The following MTARC1 variants were observed in gnomAD, a reference collection of about 807,000 sequenced individuals.
MTARC1 encodes the protein mitochondrial amidoxime-reducing component 1.
In MTARC1, 24 loss-of-function variants were observed where a neutral mutation model predicts 33.6. The ratio of observed to expected loss-of-function variants is 0.72; its 90% CI spans 0.52 to 1.01. The LOEUF is 1.01. Ranked by LOEUF, MTARC1 falls within the 50% of genes least tolerant of loss-of-function variation. The pLI is 0.00. For missense variants in MTARC1, 417 were observed against 445.7 expected (o/e 0.94, Z 0.58); for synonymous variants, 187 against 189.5 (o/e 0.99, Z 0.11).
At chr1:220,793,624 T>A (rs560899848) in intron 2 of MTARC1, 2 of 152,302 alleles carry the variant, frequency 1.3e-5, no homozygotes, top group Admixed American at 1.3e-4. Flanking sequence ...GCAGTACACC[T>A]GTTTTCATGG....
In MTARC1 at chr1:220,819,029, C is replaced by T. The variant is rs1343920834; in HGVS notation, c.*5611C>T. The T allele has an allele frequency of 3.3e-5, 5 of 152,148 alleles. No individual in the cohort carries two copies. Among genetic ancestry groups the T allele is most frequent in the East Asian group, 1.9e-4 (1 of 5,196 alleles). The allele number at this position is 152,148 out of a possible 1,614,324, so 9.4% of individuals were successfully genotyped here. ...TGACTCATTTGCGAGCCATTCCTGT[C>T]GTCTGGATGCCATAACATTGGAGGA... On this transcript the variant is annotated 3_prime_UTR_variant, in exon 7 of 7. Transcript: ENST00000366910.
intron 4 of MTARC1, among the ~76,000 whole-genome samples, chr1:220,804,081 G>A (rs898644871): frequency 6.6e-6 from 1 of 152,134 alleles, no homozygotes; most frequent in African/African-American, 2.4e-5. Flanking sequence ...AATTCTCTCC[G>A]AGGGTAAGAA....
chr1:220,809,382 C>T (rs1252773290), intron 6 of MTARC1, among the ~76,000 whole-genome samples: 2 of 152,336 alleles, frequency 1.3e-5, no homozygotes, highest in East Asian at 3.9e-4. Flanking sequence ...TCTTCCCATA[C>T]TCAGAGGCTG....
chr1:220,802,475 G>A (rs1672842838), intron 4 of MTARC1, among the ~76,000 whole-genome samples: 2 of 152,232 alleles, frequency 1.3e-5, no homozygotes, highest in South Asian at 4.1e-4. Context: ...GGGATTACAG[G>A]CAGACGCCAC....
At chr1:220,790,210 A>G (rs934940956) in intron 1 of MTARC1, among the ~76,000 whole-genome samples, 1 of 152,066 alleles carries the variant, frequency 6.6e-6, no homozygotes, top group Non-Finnish European at 1.5e-5. Context: ...TGTGCTAGGT[A>G]TTTTATGTTT....
chr1:220,813,008 G>T (rs543784168), intron 6 of MTARC1, among the ~76,000 whole-genome samples: 2 of 152,140 alleles, frequency 1.3e-5, no homozygotes, highest in South Asian at 2.1e-4. Context: ...TTACAGGCAT[G>T]AGCCACCACA....
intron 4 of MTARC1, among the ~76,000 whole-genome samples, chr1:220,802,658 G>C (rs1245719799): frequency 6.6e-6 from 1 of 152,184 alleles, no homozygotes; most frequent in Non-Finnish European, 1.5e-5. Flanking sequence ...TGACTTCACA[G>C]TTTCTATCCA....
rs1673269256 is a variant in MTARC1, at chr1:220,815,866, T to C, written c.*2448T>C. On this transcript the variant is annotated 3_prime_UTR_variant, in exon 7 of 7. Coordinates refer to ENST00000366910, the MANE Select transcript of MTARC1 (RefSeq NM_022746.4). ...GTGGCAACTTATGCTGCAGCCACAG[T>C]GGGGAGTCACAAACTCAGAGCTGGA... The C allele has an allele frequency of 1.3e-5, 2 of 152,208 alleles. No homozygotes were observed. Among genetic ancestry groups the C allele is most frequent in the African/African-American group, 4.8e-5 (2 of 41,448 alleles). 9.4% of individuals were successfully genotyped at this position (152,208 alleles called of 1,614,324 possible).
rs1297483934 is a variant in MTARC1, at chr1:220,805,037, T to A, written c.754-15T>A. 2 of 1,614,138 alleles carry A rather than the reference T, an allele frequency of 1.2e-6. No individual in the cohort carries two copies. The highest frequency in any genetic ancestry group is 1.7e-6 in the Non-Finnish European group (2 of 1,179,988). On this transcript the variant is annotated splice_polypyrimidine_tract_variant and intron_variant, in intron 4 of 6. Coordinates refer to ENST00000366910, the MANE Select transcript of MTARC1 (RefSeq NM_022746.4). Reference sequence around the variant, plus strand: ...GCCCAGAGATGCTCATGGGAATTTGTGCTTTGTCCCCTAGGATTCTTGGGA... The same window carrying A: ...GCCCAGAGATGCTCATGGGAATTTGAGCTTTGTCCCCTAGGATTCTTGGGA...
At chr1:220,796,356 T>C (rs949741540) in intron 2 of MTARC1, among the ~76,000 whole-genome samples, 2 of 152,190 alleles carry the variant, frequency 1.3e-5, no homozygotes, top group African/African-American at 4.8e-5. Flanking sequence ...CATTTTTAAA[T>C]ATATTATTTC....
chr1:220,797,409 A>C (rs1172697618), intron 3 of MTARC1, among the ~76,000 whole-genome samples: 1 of 152,224 alleles, frequency 6.6e-6, no homozygotes, highest in Non-Finnish European at 1.5e-5. Context: ...CCAGGTGACA[A>C]GGAGTCTCTG....
chr1:220,801,804 G>A (rs1004450118), intron 4 of MTARC1, among the ~76,000 whole-genome samples: 16 of 152,128 alleles, frequency 1.1e-4, no homozygotes, highest in African/African-American at 3.9e-4. Context: ...CTAGCATGGA[G>A]GAAGGCCGAG....
chr1:220,802,498 G>C (rs1672843859), intron 4 of MTARC1, among the ~76,000 whole-genome samples: 1 of 152,098 alleles, frequency 6.6e-6, no homozygotes, highest in Non-Finnish European at 1.5e-5. Context: ...TGCCTGGCTA[G>C]TTTTTGTATT....
rs1259441259 is a variant in MTARC1 at position 220,819,474 on chromosome 1, C to T, written c.*6056C>T. On this transcript the variant is annotated 3_prime_UTR_variant, in exon 7 of 7. Coordinates refer to ENST00000366910, the MANE Select transcript of MTARC1 (RefSeq NM_022746.4). ...AAAAGGCTGAGAAAATTAACATGTT[C>T]CCCCCTCTGATTTTGCATTGGACAG... 1 of 152,070 alleles carries T rather than the reference C, an allele frequency of 6.6e-6. No homozygotes were observed. Among genetic ancestry groups the T allele is most frequent in the African/African-American group, 2.4e-5 (1 of 41,416 alleles). 9.4% of individuals were successfully genotyped at this position (152,070 alleles called of 1,614,324 possible).
intron 1 of MTARC1, among the ~76,000 whole-genome samples, chr1:220,788,485 A>T (rs1672312137): frequency 6.6e-6 from 1 of 152,180 alleles, no homozygotes; most frequent in Non-Finnish European, 1.5e-5. Flanking sequence ...GAAGCCAAGA[A>T]TCCTAAATAT....
rs749101629 is a variant in MTARC1, at chr1:220,791,447, C to T, written c.276-44C>T. ...TGAAGCTCCTCCAGGGTCTGGCTTC[C>T]TGCCATAATGGTTCACACATATCCT... On this transcript the variant is annotated intron_variant, in intron 1 of 6. Coordinates refer to ENST00000366910, the MANE Select transcript of MTARC1 (RefSeq NM_022746.4). 3 of 1,591,840 alleles carry T rather than the reference C, an allele frequency of 1.9e-6. No individual in the cohort carries two copies. The Admixed American group carries it at 5.1e-5, about 27-fold the overall frequency.
rs1054840364 is a variant in MTARC1, at chr1:220,813,362, C to G, written c.958C>G (p.Leu320Val). 2 of 1,614,150 alleles carry G rather than the reference C, an allele frequency of 1.2e-6. No homozygotes were observed. Among genetic ancestry groups the G allele is most frequent in the Middle Eastern group, 1.7e-4 (1 of 6,060 alleles). The change falls in exon 7 of 7, where the codon CTG (leucine) becomes GTG (valine). Residue 320 changes from leucine (L) to valine (V), a missense_variant. Leu to Val is a conservative substitution (Grantham distance 32). Coordinates refer to ENST00000366910, the MANE Select transcript of MTARC1 (RefSeq NM_022746.4). The part of the protein sequence containing the change: ...KSPLFGQYFV[L>V]ENPGTIKVGD... ...ACCACTCTTTGGGCAGTATTTTGTG[C>G]TGGAAAACCCAGGGACCATCAAAGT...
At chr1:220,787,270 G>A (rs1196753314) in intron 1 of MTARC1, 51 bp downstream of exon 1, 2 of 1,510,590 alleles carry the variant, frequency 1.3e-6, no homozygotes, top group East Asian at 2.6e-5. Context: ...CGGGGCAAGG[G>A]GGTGAGAAGG....
intron 1 of MTARC1, 66 bp downstream of exon 1, chr1:220,787,285 A>G: frequency 1.4e-6 from 2 of 1,471,296 alleles, no homozygotes; most frequent in Non-Finnish European, 1.8e-6. Flanking sequence ...AGAAGGGAGG[A>G]GCGCAGGGGA....
Sources: gnomAD v4.1 joint callset for allele counts (sites outside exome capture counted in the v4.1 genomes callset) on GRCh38, gnomAD v4.1.1 for gene constraint, MANE v1.5 for transcripts, NCBI Gene and HGNC (gene_info 2026-07-23, HGNC 2026-07-21) for gene names.